TULP4: variants seen among roughly 807,000 people sequenced by gnomAD.
TULP4 encodes tubby-related protein 4.
A neutral mutation model predicts 129.0 loss-of-function variants in TULP4; 16 were observed. That is an observed-to-expected ratio of 0.12 (90% confidence interval 0.08 to 0.19). The LOEUF (loss-of-function observed/expected upper bound fraction) is 0.19. Ranked by LOEUF, TULP4 falls within the 10% of genes least tolerant of loss-of-function variation. The pLI is 1.00. For synonymous variants in TULP4, 998 were observed against 854.0 expected (o/e 1.17, Z -2.94); for missense variants, 1,842 against 2,059.1 (o/e 0.89, Z 2.04).
chr6:158,471,997 C>G (rs941618071), intron 6 of TULP4, among the ~76,000 whole-genome samples: 1 of 152,182 alleles, frequency 6.6e-6, no homozygotes, highest in African/African-American at 2.4e-5. Flanking sequence ...CTTAGGGCCC[C>G]CTTCCTGCTG....
chr6:158,445,608 T>C (rs1254312954), intron 3 of TULP4, among the ~76,000 whole-genome samples: 1 of 152,020 alleles, frequency 6.6e-6, no homozygotes, highest in Non-Finnish European at 1.5e-5. Context: ...TAGAGCAAGA[T>C]TAATTCTGTG....
intron 1 of TULP4, among the ~76,000 whole-genome samples, chr6:158,283,101 T>C (rs1428671416): frequency 6.7e-6 from 1 of 149,122 alleles, no homozygotes; most frequent in Non-Finnish European, 1.5e-5. Context: ...ATCCCACCAC[T>C]GCACTGCAGC....
At chr6:158,437,702 T>A (rs1451974796) in intron 3 of TULP4, 1 of 152,224 alleles carries the variant, frequency 6.6e-6, no homozygotes, top group Admixed American at 6.5e-5. Context: ...GAATAATTCA[T>A]TCACTTTTAA....
At chr6:158,237,220 A>C in intron 1 of TULP4, 2 of 757,138 alleles carry the variant, frequency 2.6e-6, no homozygotes, top group South Asian at 3.4e-5. Context: ...GGAATTATTT[A>C]TGAAAATATG....
intron 5 of TULP4, among the ~76,000 whole-genome samples, chr6:158,460,553 A>G (rs1779399855): frequency 6.6e-6 from 1 of 152,230 alleles, no homozygotes; most frequent in African/African-American, 2.4e-5. Context: ...TAAACCTTTT[A>G]ATAACCATTT....
chr6:158,292,453 T>G (rs1378888447), intron 1 of TULP4, among the ~76,000 whole-genome samples: 1 of 152,224 alleles, frequency 6.6e-6, no homozygotes, highest in African/African-American at 2.4e-5. Context: ...ATAGAGATTT[T>G]CTATACTTTC....
intron 1 of TULP4, among the ~76,000 whole-genome samples, chr6:158,356,855 G>A (rs1780659575): frequency 6.6e-6 from 1 of 151,492 alleles, no homozygotes; most frequent in Non-Finnish European, 1.5e-5. Flanking sequence ...AACTGGGAAA[G>A]AGGACTGACC....
At chr6:158,348,173 G>GTTTTTTTTTTTTTTTTTTTT (rs34217788) in intron 1 of TULP4, among the ~76,000 whole-genome samples, 3 of 112,172 alleles carry the variant, frequency 2.7e-5, no homozygotes, top group African/African-American at 1.1e-4. Flanking sequence ...TTTTTTTAAG[G>GTTTTTTTTTTTTTTTTTTTT]TTTTTTTTTT....
intron 1 of TULP4, chr6:158,242,162 G>A: frequency 9.1e-7 from 1 of 1,093,566 alleles, no homozygotes; most frequent in South Asian, 1.3e-5. Flanking sequence ...AGTCCTGCCT[G>A]TGGGTCTTCC....
At chr6:158,324,319 C>CT (rs1562520376) in intron 1 of TULP4, among the ~76,000 whole-genome samples, 1 of 152,262 alleles carries the variant, frequency 6.6e-6, no homozygotes, top group African/African-American at 2.4e-5. Context: ...AGTCTGTCTT[C>CT]TTTTTTTAGA....
chr6:158,505,796 C>G (rs1275614209), intron 13 of TULP4, among the ~76,000 whole-genome samples: 1 of 152,098 alleles, frequency 6.6e-6, no homozygotes, highest in African/African-American at 2.4e-5. Flanking sequence ...TTCTGCTTTT[C>G]TTTCTCCTTT....
At chr6:158,498,929 A>G in intron 12 of TULP4, 117 bp downstream of exon 12, 1 of 1,272,158 alleles carries the variant, frequency 7.9e-7, no homozygotes, top group Non-Finnish European at 1.1e-6. Context: ...TGGAAAAGGT[A>G]TCCCTGCCTC....
chr6:158,306,391 T>C (rs1458120065), intron 1 of TULP4, among the ~76,000 whole-genome samples: 5 of 152,208 alleles, frequency 3.3e-5, no homozygotes. Context: ...ACCCTGTCTC[T>C]TCAAAAAGTA....
chr6:158,345,768 G>C (rs1320269225), intron 1 of TULP4, among the ~76,000 whole-genome samples: 1 of 152,166 alleles, frequency 6.6e-6, no homozygotes, highest in Non-Finnish European at 1.5e-5. Context: ...CAGAAAGCAG[G>C]GTTCAAGAGC....
At chr6:158,254,970 G>A (rs1778218334) in intron 1 of TULP4, among the ~76,000 whole-genome samples, 1 of 152,246 alleles carries the variant, frequency 6.6e-6, no homozygotes, top group Non-Finnish European at 1.5e-5. Flanking sequence ...TACTCAGGAG[G>A]CTGAGTCAGG....
chr6:158,273,705 T>C (rs978879930), intron 1 of TULP4, among the ~76,000 whole-genome samples: 1 of 152,224 alleles, frequency 6.6e-6, no homozygotes, highest in African/African-American at 2.4e-5. Flanking sequence ...GTGCCGGCAC[T>C]GCCTCAAAAA....
intron 1 of TULP4, among the ~76,000 whole-genome samples, chr6:158,398,925 A>C (rs1231836903): frequency 2.0e-5 from 3 of 152,106 alleles, no homozygotes; most frequent in Non-Finnish European, 4.4e-5. Flanking sequence ...TTTTTCTCTT[A>C]GAGTTGTCAG....
chr6:158,416,456 GAAAAAA>G (rs55817565), intron 2 of TULP4, among the ~76,000 whole-genome samples: 1 of 146,770 alleles, frequency 6.8e-6, no homozygotes, highest in Non-Finnish European at 1.5e-5. Context: ...CATTTAAAAA[GAAAAAA>G]AAAATTAATA....
chr6:158,334,387 TTTCTC>T (rs1275614788), intron 1 of TULP4, among the ~76,000 whole-genome samples: 1 of 152,214 alleles, frequency 6.6e-6, no homozygotes, highest in Non-Finnish European at 1.5e-5. Context: ...GTGAATGTAT[TTTCTC>T]TTCCTTATGA....
Sources: allele counts gnomAD v4.1 joint callset (sites outside exome capture counted in the v4.1 genomes callset), GRCh38; gene constraint gnomAD v4.1.1; transcripts MANE v1.5; gene names NCBI Gene and HGNC (gene_info 2026-07-23, HGNC 2026-07-21).